The following BCL2L14 variants were observed in gnomAD, a reference collection of about 807,000 sequenced individuals.
BCL2L14 encodes the protein BCL2 like 14, also known as apoptosis facilitator Bcl-2-like protein 14.
BCL2L14 carries 27 observed loss-of-function variants against 35.3 expected under a neutral mutation model. The ratio of observed to expected loss-of-function variants is 0.76; its 90% CI spans 0.56 to 1.05. BCL2L14 has a LOEUF of 1.05. BCL2L14 is among the 50% of genes least tolerant of loss of function. BCL2L14 has a pLI of 0.00. For synonymous variants in BCL2L14, 139 were observed against 145.9 expected (o/e 0.95, Z 0.34); for missense variants, 377 against 382.6 (o/e 0.99, Z 0.12).
At chr12:12,080,306 T>C (rs936144523) in intron 2 of BCL2L14, among the ~76,000 whole-genome samples, 4 of 151,178 alleles carry the variant, frequency 2.6e-5, no homozygotes, top group African/African-American at 9.8e-5. Context: ...AAATTCCTAG[T>C]CCTCTGTACC....
At chr12:12,097,229 AC>A (rs1949334825) in intron 5 of BCL2L14, among the ~76,000 whole-genome samples, 1 of 152,268 alleles carries the variant, frequency 6.6e-6, no homozygotes, top group Admixed American at 6.5e-5. Context: ...ATATTTTCAT[AC>A]AAAAATTTGT....
chr12:12,078,011 A>T, intron 1 of BCL2L14: 1 of 441,678 alleles, frequency 2.3e-6, no homozygotes, highest in South Asian at 1.6e-5. Flanking sequence ...GAACAAAATC[A>T]GTTCTTTATC....
intron 2 of BCL2L14, among the ~76,000 whole-genome samples, chr12:12,060,508 C>T (rs1948507450): frequency 1.9e-5 from 2 of 106,500 alleles, no homozygotes; most frequent in East Asian, 3.1e-4. Context: ...TTTAATTAAC[C>T]TCGCCTTCAA....
rs987114746 is a variant in BCL2L14 at position 12,094,773 on chromosome 12, C to G, written c.788C>G (p.Ser263Ter). 34 of 1,614,064 alleles carry G rather than the reference C, an allele frequency of 2.1e-5. No homozygotes were observed. The highest frequency in any genetic ancestry group is 2.9e-5 in the Non-Finnish European group (34 of 1,180,054). The change falls in exon 5 of 6, where the codon TCA becomes TGA. Residue 263 changes from serine to a stop codon, truncating the protein, a stop_gained. Coordinates refer to ENST00000308721, the MANE Select transcript of BCL2L14 (RefSeq NM_138723.2). LOFTEE classifies it high-confidence loss of function. ...ATGGGTGTGGACCCCAGGGGAGAATCAGAGGTCAAAGCTCAGGGCTTTAAG... is the reference window on the plus strand; with the variant it reads ...ATGGGTGTGGACCCCAGGGGAGAATGAGAGGTCAAAGCTCAGGGCTTTAAG... ...VLMGVDPRGE[S>*]EVKAQGFKAA...
upstream of BCL2L14, among the ~76,000 whole-genome samples, chr12:12,070,477 G>A (rs1046340912): frequency 6.6e-6 from 1 of 152,160 alleles, no homozygotes; most frequent in Non-Finnish European, 1.5e-5. Flanking sequence ...CTGAGGCCAG[G>A]AGTTCGAGAC....
chr12:12,085,759 C>A (rs1949029347), intron 2 of BCL2L14, among the ~76,000 whole-genome samples: 1 of 152,120 alleles, frequency 6.6e-6, no homozygotes, highest in African/African-American at 2.4e-5. Context: ...GCCACCTTGG[C>A]AGCTGCATAT....
rs183980176 is a variant in BCL2L14, at chr12:12,079,937, G to A, written c.433+199G>A. On this transcript the variant is annotated intron_variant, in intron 2 of 5. Transcript: ENST00000308721. ...AAGGAGTTGCTGCCTGGGCGCGGTG[G>A]CTCACGCCTGTAATCCCAGCACTCT... is the stretch of plus-strand genomic sequence containing the variant. 2.6e-5 allele frequency among the ~76,000 whole-genome samples: 4 copies of A among 152,208 alleles called. No homozygotes were observed. The South Asian group carries it at 8.3e-4, about 32-fold the overall frequency.
intron 1 of BCL2L14, among the ~76,000 whole-genome samples, chr12:12,078,810 T>TTTGTTG (rs1948841288): frequency 1.3e-5 from 2 of 151,990 alleles, no homozygotes; most frequent in South Asian, 4.2e-4. Flanking sequence ...TTGTTTTTTG[T>TTTGTTG]TTTTTGAGAC....
chr12:12,078,870 C>T lies in BCL2L14; in HGVS notation c.-7-429C>T, dbSNP rs553251335. ...GGAGTGCAGTGGCGCAATCTCAGCT[C>T]ACTACAACCCCCGACTCCTGGGTTC... is the stretch of plus-strand genomic sequence containing the variant. On this transcript the variant is annotated intron_variant, in intron 1 of 5. Transcript: ENST00000308721. Among the ~76,000 whole-genome samples the T allele has an allele frequency of 2.7e-4, 41 of 152,312 alleles. 1 individual carries two copies. The South Asian group carries it at 8.3e-3, about 31-fold the overall frequency.
intron 2 of BCL2L14, among the ~76,000 whole-genome samples, chr12:12,064,286 C>T (rs1948567598): frequency 6.9e-6 from 1 of 144,656 alleles, no homozygotes; most frequent in Non-Finnish European, 1.5e-5. Flanking sequence ...CAGTACCATA[C>T]CTGGCTAATT....
upstream of BCL2L14, among the ~76,000 whole-genome samples, chr12:12,065,958 T>G (rs371892218): frequency 2.0e-5 from 3 of 152,150 alleles, no homozygotes; most frequent in African/African-American, 7.2e-5. Context: ...GCCCAGCTAA[T>G]TTTTGTATTT....
At chr12:12,092,336 T>TTGCTTATG (rs1203132067) in intron 4 of BCL2L14, among the ~76,000 whole-genome samples, 7 of 152,360 alleles carry the variant, frequency 4.6e-5, no homozygotes, top group African/African-American at 1.7e-4. Flanking sequence ...ACATTTTACA[T>TTGCTTATG]TGCTTATGGC....
At chr12:12,066,386 G>A (rs772506161), upstream of BCL2L14, among the ~76,000 whole-genome samples, 4 of 152,086 alleles carry the variant, frequency 2.6e-5, no homozygotes, top group Non-Finnish European at 5.9e-5. Context: ...TGCTCATCTG[G>A]CCTTTCAAGT....
At chr12:12,092,433 G>A (rs190849657) in intron 4 of BCL2L14, among the ~76,000 whole-genome samples, 12 of 152,308 alleles carry the variant, frequency 7.9e-5, no homozygotes, top group Admixed American at 3.9e-4. Context: ...TGTGCTGGGC[G>A]GGTGCCAAGC....
At chr12:12,073,220 C>T (rs923604073) in intron 1 of BCL2L14, among the ~76,000 whole-genome samples, 6 of 152,176 alleles carry the variant, frequency 3.9e-5, no homozygotes, top group Admixed American at 2.6e-4. Flanking sequence ...CCTTTGTCTC[C>T]GTTTGTTCTC....
At chr12:12,071,330 C>T (rs909877437) in intron 1 of BCL2L14, 193 bp downstream of exon 1, 5 of 152,108 alleles carry the variant, frequency 3.3e-5, no homozygotes, top group African/African-American at 1.2e-4. Context: ...CCAGGAAAGA[C>T]GAAGAAAGGT....
chr12:12,098,107 G>A (rs1338400025), intron 5 of BCL2L14, among the ~76,000 whole-genome samples: 1 of 152,166 alleles, frequency 6.6e-6, no homozygotes, highest in African/African-American at 2.4e-5. Flanking sequence ...ATGAGCTATG[G>A]AAGTGTGAAG....
intron 2 of BCL2L14, among the ~76,000 whole-genome samples, chr12:12,061,866 G>C (rs935165075): frequency 6.6e-6 from 1 of 152,146 alleles, no homozygotes; most frequent in Non-Finnish European, 1.5e-5. Flanking sequence ...GATCGTGTCC[G>C]ATTAATCTCC....
At chr12:12,061,431 C>G (rs4763769) in intron 2 of BCL2L14, among the ~76,000 whole-genome samples, 37,794 of 150,398 alleles carry the variant, frequency 0.25, 4,750 homozygotes, top group South Asian at 0.32. Context: ...TCGCCTGCTA[C>G]AGCATGGCCT....
Sources: allele counts gnomAD v4.1 joint callset (sites outside exome capture counted in the v4.1 genomes callset), GRCh38; gene constraint gnomAD v4.1.1; transcripts MANE v1.5; gene names NCBI Gene and HGNC (gene_info 2026-07-23, HGNC 2026-07-21).